VAV3: variants seen among roughly 807,000 people sequenced by gnomAD.
VAV3 encodes the protein guanine nucleotide exchange factor VAV3.
VAV3 carries 94 observed loss-of-function variants against 131.2 expected under a neutral mutation model. The ratio of observed to expected loss-of-function variants is 0.72; its 90% CI spans 0.61 to 0.85. The LOEUF is 0.85. Among genes scored for constraint, VAV3 ranks in the 40% least tolerant of loss-of-function variants. VAV3 has a pLI of 0.00. For missense variants in VAV3, 939 were observed against 1,002.7 expected, an observed-to-expected ratio of 0.94 and a Z score of 0.86; for synonymous variants, 349 against 342.0, an observed-to-expected ratio of 1.02 and a Z score of -0.22.
intron 15 of VAV3, among the ~76,000 whole-genome samples, chr1:107,728,673 A>G (rs529554071): frequency 1.5e-5 from 2 of 130,624 alleles, no homozygotes; most frequent in South Asian, 5.1e-4. Context: ...CGTGTCCCCA[A>G]ATCAGCTCTA....
chr1:107,807,776 A>ATG (rs747092794), intron 2 of VAV3, among the ~76,000 whole-genome samples: 8 of 152,186 alleles, frequency 5.3e-5, no homozygotes, highest in Non-Finnish European at 8.8e-5. Flanking sequence ...AACTTATGGC[A>ATG]TGTTACTTTA....
At chr1:107,722,262 A>G (rs1452618761) in intron 15 of VAV3, among the ~76,000 whole-genome samples, 1 of 152,218 alleles carries the variant, frequency 6.6e-6, no homozygotes, top group Admixed American at 6.5e-5. Context: ...AACTAATTAC[A>G]TTAGAGAAAC....
chr1:107,687,103 CAATG>C (rs1234371281), intron 18 of VAV3, among the ~76,000 whole-genome samples: 1 of 152,044 alleles, frequency 6.6e-6, no homozygotes, highest in Non-Finnish European at 1.5e-5. Flanking sequence ...TCTTACCTGT[CAATG>C]AAACACTAAA....
chr1:107,901,976 G>A lies in VAV3; in HGVS notation c.205-26959C>T, dbSNP rs538205449. Among the ~76,000 whole-genome samples, 6 of 151,842 alleles carry A rather than the reference G, an allele frequency of 4.0e-5. No individual in the cohort carries two copies. In the East Asian group the frequency reaches 9.7e-4, roughly 25 times the overall value. ...GAGAATCGCTTGAACCCAGGAGGCGGAGGTTGCAGTTAGCCAAGATTGTGC... is the reference window on the plus strand; with the variant it reads ...GAGAATCGCTTGAACCCAGGAGGCGAAGGTTGCAGTTAGCCAAGATTGTGC... On this transcript the variant is annotated intron_variant, in intron 1 of 26. Coordinates refer to ENST00000370056, the MANE Select transcript of VAV3 (RefSeq NM_006113.5).
At chr1:107,818,008 G>A (rs1450833489) in intron 2 of VAV3, among the ~76,000 whole-genome samples, 2 of 152,132 alleles carry the variant, frequency 1.3e-5, no homozygotes, top group Non-Finnish European at 2.9e-5. Context: ...AATTAATTCG[G>A]AACAAACACC....
chr1:107,813,040 A>G (rs1241652419), intron 2 of VAV3, among the ~76,000 whole-genome samples: 5 of 151,610 alleles, frequency 3.3e-5, no homozygotes, highest in East Asian at 1.9e-4. Flanking sequence ...GGAGAATGGC[A>G]TGAACCCAGG....
chr1:107,949,145 T>C (rs1432710274), intron 1 of VAV3, among the ~76,000 whole-genome samples: 1 of 152,200 alleles, frequency 6.6e-6, no homozygotes, highest in Non-Finnish European at 1.5e-5. Flanking sequence ...AGGCTCAAAG[T>C]CAGAATCTAG....
At chr1:107,954,378 C>T (rs1024227120) in intron 1 of VAV3, among the ~76,000 whole-genome samples, 4 of 152,140 alleles carry the variant, frequency 2.6e-5, no homozygotes, top group African/African-American at 9.7e-5. Flanking sequence ...GGAACAGCTA[C>T]ACTCACTTTC....
intron 15 of VAV3, among the ~76,000 whole-genome samples, chr1:107,713,270 A>G (rs1660894336): frequency 6.6e-6 from 1 of 152,126 alleles, no homozygotes; most frequent in Non-Finnish European, 1.5e-5. Flanking sequence ...GAAAATATTG[A>G]TAACTACTTA....
intron 15 of VAV3, among the ~76,000 whole-genome samples, chr1:107,711,874 C>T (rs556037800): frequency 7.2e-5 from 11 of 152,068 alleles, no homozygotes; most frequent in Admixed American, 2.0e-4. Flanking sequence ...TTAATAGAGA[C>T]GGGGTTTCAC....
intron 1 of VAV3, among the ~76,000 whole-genome samples, chr1:107,884,122 A>G (rs1478693445): frequency 6.6e-6 from 1 of 151,738 alleles, no homozygotes; most frequent in Non-Finnish European, 1.5e-5. Context: ...AAAGCAACCC[A>G]GAGATGGGGC....
chr1:107,837,064 A>G (rs1366953622), intron 2 of VAV3, among the ~76,000 whole-genome samples: 1 of 152,082 alleles, frequency 6.6e-6, no homozygotes, highest in Admixed American at 6.6e-5. Flanking sequence ...CAAAGCCAGC[A>G]TCATCCTAAT....
intron 25 of VAV3, chr1:107,576,404 G>C (rs1314616362): frequency 6.6e-7 from 1 of 1,523,120 alleles, no homozygotes; most frequent in African/African-American, 1.4e-5. Context: ...GACCAGAAAG[G>C]AGTGGAAGAA....
chr1:107,690,387 T>A (rs923817335), intron 17 of VAV3, among the ~76,000 whole-genome samples: 1 of 152,086 alleles, frequency 6.6e-6, no homozygotes, highest in African/African-American at 2.4e-5. Flanking sequence ...GAGGAGCAGA[T>A]CCAGGAACAG....
At chr1:107,709,486 C>T (rs576174568) in intron 15 of VAV3, among the ~76,000 whole-genome samples, 23 of 152,262 alleles carry the variant, frequency 1.5e-4, no homozygotes, top group Non-Finnish European at 3.1e-4. Context: ...ACATGATTCA[C>T]TAAATTTCAA....
intron 19 of VAV3, among the ~76,000 whole-genome samples, chr1:107,659,233 G>C (rs1043977734): frequency 2.0e-5 from 3 of 151,854 alleles, no homozygotes; most frequent in Admixed American, 6.6e-5. Flanking sequence ...AGACCTGGAG[G>C]CTAAGCATTT....
intron 16 of VAV3, 50 bp from the exon 17 acceptor site, chr1:107,704,700 C>A: frequency 1.4e-6 from 2 of 1,459,510 alleles, no homozygotes; most frequent in Non-Finnish European, 1.9e-6. Context: ...AAAATTCTGC[C>A]CATATGAAAT....
intron 1 of VAV3, among the ~76,000 whole-genome samples, chr1:107,955,210 G>T (rs345272): frequency 0.77 from 116,939 of 152,080 alleles, 49,025 homozygotes; most frequent in Non-Finnish European, 0.92. Context: ...GACAGGTTTA[G>T]TCACTTTCTG....
rs556080094 is a variant in VAV3, at chr1:107,721,737, A to AT, written c.1503-16677_1503-16676insA. 3.4e-3 allele frequency among the ~76,000 whole-genome samples: 515 copies of AT among 152,174 alleles called. 2 individuals carry two copies. Among genetic ancestry groups the AT allele is most frequent in the African/African-American group, 0.012 (494 of 41,532 alleles). On this transcript the variant is annotated intron_variant, in intron 15 of 26. Transcript: ENST00000370056. ...CTAAATCCTGTTCCTGGGCCTGAAA[A>AT]AAAAACGTGATGATGCTTTAACATC...
Sources: allele counts gnomAD v4.1 joint callset (sites outside exome capture counted in the v4.1 genomes callset), GRCh38; gene constraint gnomAD v4.1.1; transcripts MANE v1.5; gene names NCBI Gene and HGNC (gene_info 2026-07-23, HGNC 2026-07-21).